The following BRSK2 variants were observed in gnomAD, a reference collection of about 807,000 sequenced individuals.
BRSK2 encodes the protein BR serine/threonine kinase 2.
Under a neutral mutation model 83.3 loss-of-function variants are expected in BRSK2, and 19 were observed. The observed-to-expected ratio is 0.23, with a 90% confidence interval of 0.16 to 0.33. The LOEUF (loss-of-function observed/expected upper bound fraction) is 0.33, where lower values mean the gene tolerates loss of function less well. Among genes scored for constraint, BRSK2 ranks in the 10% least tolerant of loss-of-function variants. The pLI is 1.00. For missense variants in BRSK2, 798 were observed against 1,042.3 expected (o/e 0.77, Z 3.23); for synonymous variants, 519 against 435.4 (o/e 1.19, Z -2.39).
rs749806158 is a variant in BRSK2, at chr11:1,411,081, C to T, written c.91+20706C>T. ...AGATTTGGCAGGAAGGAGGAGGGGGCGGGCTTTGGAGGAGGCAGCCCAGGT... is the reference window on the plus strand; with the variant it reads ...AGATTTGGCAGGAAGGAGGAGGGGGTGGGCTTTGGAGGAGGCAGCCCAGGT... On this transcript the variant is annotated intron_variant, in intron 1 of 19. Transcript: ENST00000528841. The T allele has an allele frequency of 2.3e-3, 2,643 of 1,146,712 alleles. 7 individuals carry two copies. The highest frequency in any genetic ancestry group is 2.8e-3 in the Middle Eastern group (8 of 2,824). 71.0% of individuals were successfully genotyped at this position (1,146,712 alleles called of 1,614,324 possible).
At chr11:1,410,933 A>G (rs947880812) in intron 1 of BRSK2, 26 of 989,388 alleles carry the variant, frequency 2.6e-5, no homozygotes, top group Non-Finnish European at 3.1e-5. Flanking sequence ...CTCAGAGGCC[A>G]GGGCCCTTGC....
At chr11:1,405,848 C>T (rs1212859809) in intron 1 of BRSK2, among the ~76,000 whole-genome samples, 1 of 152,164 alleles carries the variant, frequency 6.6e-6, no homozygotes, top group African/African-American at 2.4e-5. Context: ...CATCCAGCCC[C>T]TGCTCCTTGG....
chr11:1,440,893 C>T lies in BRSK2; in HGVS notation c.378C>T (p.Ile126=), dbSNP rs1313730302. Reference sequence around the variant, plus strand: ...CTCGGAAGTTCTTCCGGCAGATCATCTCTGCGCTGGACTTCTGCCACAGCC... The same window carrying T: ...CTCGGAAGTTCTTCCGGCAGATCATTTCTGCGCTGGACTTCTGCCACAGCC... ...KEARKFFRQI[I]SALDFCHSHS... Residue 126 remains isoleucine (I), a synonymous_variant, in exon 4 of 20, where the codon ATC becomes ATT. Transcript: ENST00000528841. 6.2e-7 allele frequency: 1 copy of T among 1,609,552 alleles called. No individual in the cohort carries two copies. The highest frequency in any genetic ancestry group is 8.5e-7 in the Non-Finnish European group (1 of 1,178,780).
Position 1,461,405 on chromosome 11 carries a change from C to G in BRSK2, c.*682C>G, listed in dbSNP as rs772467118. 6 of 255,732 alleles carry G rather than the reference C, an allele frequency of 2.3e-5. No homozygotes were observed. The highest frequency in any genetic ancestry group is 4.5e-5 in the Non-Finnish European group (6 of 133,482). 15.8% of individuals were successfully genotyped at this position (255,732 alleles called of 1,614,324 possible). ...CTCAGGCTGCCTCCCGTCCTCTCGT[C>G]TCACCCGCGCCTCCCTTGCCTCATC... On this transcript the variant is annotated 3_prime_UTR_variant, in exon 20 of 20. Transcript: ENST00000528841.
In BRSK2 at chr11:1,435,974, T is replaced by C. The variant is rs988316987; in HGVS notation, c.92-66T>C. The C allele has an allele frequency of 1.8e-5, 23 of 1,273,868 alleles. No homozygotes were observed. The African/African-American group carries it at 3.4e-4, about 19-fold the overall frequency. 78.9% of individuals were successfully genotyped at this position (1,273,868 alleles called of 1,614,324 possible). The stretch of plus-strand genomic sequence containing the variant: ...GTGGGAGGAGGCCCCCAACCTGCAC[T>C]GTCCGGCTGGGTGCTCGCTGCAGGC... On this transcript the variant is annotated intron_variant, in intron 1 of 19. Transcript: ENST00000528841.
chr11:1,447,781 G>A (rs775179752), intron 12 of BRSK2: 76 of 1,594,422 alleles, frequency 4.8e-5, no homozygotes, highest in Non-Finnish European at 5.7e-5. Flanking sequence ...GTGTTTTCTC[G>A]CTCTGTTCTG....
At chr11:1,436,688 A>T (rs1256453479) in intron 2 of BRSK2, among the ~76,000 whole-genome samples, 5 of 151,992 alleles carry the variant, frequency 3.3e-5, no homozygotes, top group Non-Finnish European at 5.9e-5. Context: ...CTGGGTGTAG[A>T]GGAAGAGGCT....
chr11:1,440,760 G>A, intron 3 of BRSK2, 28 bp from the exon 4 acceptor site: 1 of 1,548,570 alleles, frequency 6.5e-7, no homozygotes, highest in Non-Finnish European at 8.7e-7. Flanking sequence ...GCCACAGCTG[G>A]GCGCACTGGT....
In BRSK2 at chr11:1,454,290, G is replaced by C; in HGVS notation, c.1545-195G>C. ...GGTTGGGGTTGGGGTTAGAGCCACG[G>C]TGATGGTCAGGGCATATGGGCTAGG... On this transcript the variant is annotated intron_variant, in intron 15 of 19. Transcript: ENST00000528841. This position sits in a 1 kb window ranked among gnomAD's most constrained non-coding sequence, Gnocchi z 5.2. 1.6e-6 allele frequency: 1 copy of C among 610,858 alleles called. No individual in the cohort carries two copies. The highest frequency in any genetic ancestry group is 2.9e-6 in the Non-Finnish European group (1 of 348,740). 37.8% of individuals were successfully genotyped at this position (610,858 alleles called of 1,614,324 possible).
chr11:1,415,218 C>T (rs1249106166), intron 1 of BRSK2, among the ~76,000 whole-genome samples: 1 of 151,580 alleles, frequency 6.6e-6, no homozygotes. Context: ...CCTCAGCCTC[C>T]TGAGTAGCTG....
rs1564898497 is a variant in BRSK2, at chr11:1,461,172, C to A, written c.*449C>A. 1 of 922,508 alleles carries A rather than the reference C, an allele frequency of 1.1e-6. No individual in the cohort carries two copies. Among genetic ancestry groups the A allele is most frequent in the African/African-American group, 1.7e-5 (1 of 57,788 alleles). 57.1% of individuals were successfully genotyped at this position (922,508 alleles called of 1,614,324 possible). A position where few individuals can be genotyped will look rare whatever the true frequency, so the allele number is the denominator to read the frequency against. On this transcript the variant is annotated 3_prime_UTR_variant, in exon 20 of 20. Coordinates refer to ENST00000528841, the MANE Select transcript of BRSK2 (RefSeq NM_001256627.2). ...AGGAAGGCCAGGCTCGGGGGAGCCT[C>A]CTCCAGCCCGGCCGACCCGGACTCC...
At chr11:1,442,130 C>G (rs1851425257) in intron 4 of BRSK2, among the ~76,000 whole-genome samples, 2 of 151,424 alleles carry the variant, frequency 1.3e-5, no homozygotes, top group African/African-American at 2.4e-5. Flanking sequence ...CCCAAGCACT[C>G]TGGGAGCCCC....
chr11:1,422,195 G>T (rs1034969888), intron 1 of BRSK2, among the ~76,000 whole-genome samples: 2 of 152,188 alleles, frequency 1.3e-5, no homozygotes, highest in South Asian at 2.1e-4. Context: ...ATGATCAGGG[G>T]TGAGCCAAGT....
intron 1 of BRSK2, among the ~76,000 whole-genome samples, chr11:1,394,306 G>A (rs1374412565): frequency 7.7e-6 from 1 of 129,312 alleles, no homozygotes; most frequent in Non-Finnish European, 1.6e-5. Flanking sequence ...ATGGGCCCCT[G>A]GAGATGGGCC....
intron 1 of BRSK2, among the ~76,000 whole-genome samples, chr11:1,418,999 C>G (rs896658790): frequency 1.3e-5 from 2 of 152,204 alleles, no homozygotes; most frequent in Admixed American, 6.5e-5. Flanking sequence ...ATTGATTGAT[C>G]GGTTGATTGA....
intron 1 of BRSK2, among the ~76,000 whole-genome samples, chr11:1,402,397 G>A (rs1483010575): frequency 6.6e-6 from 1 of 152,228 alleles, no homozygotes; most frequent in Non-Finnish European, 1.5e-5. Context: ...GGATGGTCAT[G>A]GGCAGAGGAG....
In BRSK2 at chr11:1,423,188, C is replaced by CGTGGGGGACATGGTGCCTT. The variant is rs2132861678; in HGVS notation, c.92-12845_92-12827dup. On this transcript the variant is annotated intron_variant, in intron 1 of 19. Coordinates refer to ENST00000528841, the MANE Select transcript of BRSK2 (RefSeq NM_001256627.2). The surrounding 1 kb of genome is among the most constrained non-coding windows in gnomAD (Gnocchi z 6.5). ...GTGCCTCGTGGGGGATGCGGTGCCT[C>CGTGGGGGACATGGTGCCTT]GTGGGGGACATGGTGCCTTGTGGGG... 6.6e-6 allele frequency among the ~76,000 whole-genome samples: 1 copy of CGTGGGGGACATGGTGCCTT among 152,208 alleles called. No individual in the cohort carries two copies. Among genetic ancestry groups the CGTGGGGGACATGGTGCCTT allele is most frequent in the South Asian group, 2.1e-4 (1 of 4,828 alleles).
intron 1 of BRSK2, among the ~76,000 whole-genome samples, chr11:1,426,575 C>T (rs1849255678): frequency 6.6e-6 from 1 of 152,110 alleles, no homozygotes; most frequent in African/African-American, 2.4e-5. Context: ...TGGGAACTTG[C>T]AGAGGCCCTG....
In BRSK2 at chr11:1,449,813, A is replaced by G; in HGVS notation, c.1264A>G (p.Thr422Ala). Reference protein sequence around the residue: ...SISGASSGLSTSPLSSPRVTP... With the variant: ...SISGASSGLSASPLSSPRVTP... ...CAGCGGTGCCTCCTCAGGCCTTTCC[A>G]CCAGCCCACTCAGCAGCCCCCGGGT... The change falls in exon 13 of 20, where the codon ACC (threonine) becomes GCC (alanine). Residue 422 changes from threonine (T) to alanine (A), a missense_variant. Coordinates refer to ENST00000528841, the MANE Select transcript of BRSK2 (RefSeq NM_001256627.2). 1 of 1,611,378 alleles carries G rather than the reference A, an allele frequency of 6.2e-7. No individual in the cohort carries two copies. Among genetic ancestry groups the G allele is most frequent in the Non-Finnish European group, 8.5e-7 (1 of 1,179,278 alleles).
Sources: gnomAD v4.1 joint callset for allele counts (sites outside exome capture counted in the v4.1 genomes callset) on GRCh38, gnomAD v4.1.1 for gene constraint, Gnocchi (gnomAD v3.1) non-coding constraint, MANE v1.5 for transcripts, NCBI Gene and HGNC (gene_info 2026-07-23, HGNC 2026-07-21) for gene names.